The following PACRG variants were observed in gnomAD, a reference collection of about 807,000 sequenced individuals.
The protein encoded by PACRG is parkin coregulated gene protein.
PACRG carries 29 observed loss-of-function variants against 29.7 expected under a neutral mutation model. The observed-to-expected ratio is 0.98, with a 90% CI of 0.73 to 1.33. The LOEUF (loss-of-function observed/expected upper bound fraction) is 1.33, where lower values mean the gene tolerates loss of function less well. Among genes scored for constraint, PACRG ranks in the 40% most tolerant of loss-of-function variants. The probability of loss-of-function intolerance (pLI) is 0.00; values close to 1 mark genes in which losing one functional copy is unlikely to be tolerated. For synonymous variants in PACRG, 116 were observed against 118.7 expected (o/e 0.98, Z 0.15); for missense variants, 279 against 316.2 (o/e 0.88, Z 0.89).
chr6:163,161,107 G>T (rs12205424), intron 4 of PACRG, among the ~76,000 whole-genome samples: 1 of 151,774 alleles, frequency 6.6e-6, no homozygotes, highest in African/African-American at 2.4e-5. Flanking sequence ...TCCATCTTCC[G>T]GGTCATGTAA....
At chr6:163,117,751 C>CAAA (rs35801516) in intron 4 of PACRG, among the ~76,000 whole-genome samples, 137 of 108,408 alleles carry the variant, frequency 1.3e-3, no homozygotes, top group African/African-American at 4.2e-3. Context: ...GACTCTGTCT[C>CAAA]AAAAAAAAAA....
At chr6:163,020,282 C>T (rs1293761726) in intron 2 of PACRG, among the ~76,000 whole-genome samples, 2 of 152,138 alleles carry the variant, frequency 1.3e-5, no homozygotes, top group South Asian at 2.1e-4. Flanking sequence ...ATACACCGGT[C>T]ACCTTGTCAG....
chr6:162,918,730 T>C (rs959656079), intron 2 of PACRG, among the ~76,000 whole-genome samples: 3 of 152,200 alleles, frequency 2.0e-5, no homozygotes, highest in South Asian at 2.1e-4. Flanking sequence ...GTTCAGTTGA[T>C]TAATTTGGAA....
intron 4 of PACRG, among the ~76,000 whole-genome samples, chr6:163,219,486 T>C (rs924212081): frequency 6.6e-6 from 1 of 152,220 alleles, no homozygotes; most frequent in Non-Finnish European, 1.5e-5. Context: ...AAATCTGCTT[T>C]CTATGCAAAA....
chr6:162,728,334 GC>G lies in PACRG; in HGVS notation c.101del (p.Pro34LeufsTer14). 6.2e-7 allele frequency: 1 copy of G among 1,614,010 alleles called. No individual in the cohort carries two copies. The highest frequency in any genetic ancestry group is 8.5e-7 in the Non-Finnish European group (1 of 1,180,036). ...LAQQPLPVHQ[P>X]HSLVSEGFTV... The stretch of plus-strand genomic sequence containing the variant: ...CACAACAGCCGCTCCCGGTGCACCA[GC>G]CTCACTCTCTGGTTTCTGAGGGTTT... On this transcript the variant is annotated frameshift_variant, in exon 1 of 5. Transcript: ENST00000366888. LOFTEE classifies it high-confidence loss of function.
At chr6:162,747,351 T>C (rs1428285263) in intron 1 of PACRG, among the ~76,000 whole-genome samples, 2 of 76,742 alleles carry the variant, frequency 2.6e-5, no homozygotes, top group Non-Finnish European at 2.3e-5. Flanking sequence ...TATATATATA[T>C]ATATATATAT....
chr6:163,185,648 G>T (rs748411641), intron 4 of PACRG, among the ~76,000 whole-genome samples: 1 of 152,092 alleles, frequency 6.6e-6, no homozygotes, highest in Non-Finnish European at 1.5e-5. Context: ...AGGAAATCGC[G>T]GCATCATCAA....
intron 4 of PACRG, among the ~76,000 whole-genome samples, chr6:163,187,114 C>A (rs1779977084): frequency 6.6e-6 from 1 of 152,224 alleles, no homozygotes; most frequent in Admixed American, 6.5e-5. Flanking sequence ...CTGTTTTTCT[C>A]AAAGTCTGTT....
At chr6:162,957,471 C>G (rs975199721) in intron 2 of PACRG, 28 of 460,730 alleles carry the variant, frequency 6.1e-5, no homozygotes, top group African/African-American at 5.1e-4. Context: ...GTTTTCCACA[C>G]CTTCTTGGGA....
At chr6:163,072,354 A>G (rs1322761617) in intron 3 of PACRG, among the ~76,000 whole-genome samples, 1 of 152,118 alleles carries the variant, frequency 6.6e-6, no homozygotes, top group Non-Finnish European at 1.5e-5. Context: ...GAAGGACAAA[A>G]AGCCTATGAT....
intron 2 of PACRG, among the ~76,000 whole-genome samples, chr6:162,899,924 G>A (rs776749020): frequency 2.0e-5 from 3 of 152,176 alleles, no homozygotes; most frequent in East Asian, 3.9e-4. Flanking sequence ...GGAAGGCCAG[G>A]ACTCCTGGCT....
chr6:163,140,168 C>T (rs924238431), intron 4 of PACRG, among the ~76,000 whole-genome samples: 3 of 152,172 alleles, frequency 2.0e-5, no homozygotes, highest in Admixed American at 1.3e-4. Context: ...GTACGAAGCA[C>T]GCAGCAATGA....
chr6:163,180,871 A>G (rs780396022), intron 4 of PACRG, among the ~76,000 whole-genome samples: 1 of 152,220 alleles, frequency 6.6e-6, no homozygotes, highest in African/African-American at 2.4e-5. Flanking sequence ...GTCACCAGGC[A>G]CCGAGCGTTG....
chr6:162,771,268 A>G (rs1218048389), intron 1 of PACRG, among the ~76,000 whole-genome samples: 5 of 152,198 alleles, frequency 3.3e-5, no homozygotes, highest in Admixed American at 1.3e-4. Flanking sequence ...TGAATTATCT[A>G]TGCAAGTACC....
At chr6:163,136,411 A>G (rs990580919) in intron 4 of PACRG, among the ~76,000 whole-genome samples, 1 of 152,218 alleles carries the variant, frequency 6.6e-6, no homozygotes, top group Non-Finnish European at 1.5e-5. Context: ...CATTTTAAAA[A>G]TCTTGCTGGA....
chr6:163,083,262 G>C (rs1813244753), intron 3 of PACRG, among the ~76,000 whole-genome samples: 1 of 152,178 alleles, frequency 6.6e-6, no homozygotes, highest in African/African-American at 2.4e-5. Flanking sequence ...CACTGAGATA[G>C]ATGCAAATCT....
chr6:162,948,041 T>G (rs1346799803), intron 2 of PACRG, among the ~76,000 whole-genome samples: 1 of 151,770 alleles, frequency 6.6e-6, no homozygotes, highest in Non-Finnish European at 1.5e-5. Context: ...AAAGAAAATA[T>G]AATTATAAAA....
rs185268140 is a variant in PACRG, at chr6:163,303,889, G to A, written c.614-10938G>A. 1.6e-4 allele frequency among the ~76,000 whole-genome samples: 24 copies of A among 151,722 alleles called. No homozygotes were observed. In the East Asian group the frequency reaches 3.3e-3, roughly 21 times the overall value. Reference sequence around the variant, plus strand: ...AAATTAGCCAGGCATGGTGGCGGGCGCCTGTAATCTCAGCTACGCAGGAGG... The same window carrying A: ...AAATTAGCCAGGCATGGTGGCGGGCACCTGTAATCTCAGCTACGCAGGAGG... On this transcript the variant is annotated intron_variant, in intron 4 of 4. Transcript: ENST00000366888.
At chr6:163,001,096 T>C (rs923837823) in intron 2 of PACRG, among the ~76,000 whole-genome samples, 5 of 152,180 alleles carry the variant, frequency 3.3e-5, no homozygotes, top group Non-Finnish European at 7.3e-5. Context: ...TGTGCATGGC[T>C]CCCAAGGACC....
Sources: gnomAD v4.1 joint callset for allele counts (sites outside exome capture counted in the v4.1 genomes callset) on GRCh38, gnomAD v4.1.1 for gene constraint, MANE v1.5 for transcripts, NCBI Gene and HGNC (gene_info 2026-07-23, HGNC 2026-07-21) for gene names.